The following DPP10 variants were observed in gnomAD, a reference collection of about 807,000 sequenced individuals.
The protein encoded by DPP10 is dipeptidyl peptidase like 10.
A neutral mutation model predicts 120.9 loss-of-function variants in DPP10; 33 were observed. The observed-to-expected ratio is 0.27, with a 90% CI of 0.21 to 0.37. The LOEUF is 0.37. DPP10 is among the 10% of genes least tolerant of loss of function. The pLI is 1.00. For missense variants in DPP10, 816 were observed against 942.8 expected (o/e 0.87, Z 1.76); for synonymous variants, 337 against 326.1 (o/e 1.03, Z -0.36).
chr2:115,755,460 A>G (rs1200168253), intron 11 of DPP10, among the ~76,000 whole-genome samples: 5 of 152,118 alleles, frequency 3.3e-5, no homozygotes, highest in South Asian at 2.1e-4. Flanking sequence ...CTGGATGTCA[A>G]TGTGCAGAAA....
intron 1 of DPP10, among the ~76,000 whole-genome samples, chr2:114,894,089 G>T (rs1038762181): frequency 2.0e-5 from 3 of 152,076 alleles, no homozygotes; most frequent in African/African-American, 7.2e-5. Flanking sequence ...GTGTCCAACT[G>T]GTGCATTTTA....
chr2:114,911,001 T>C (rs17043744), intron 1 of DPP10, among the ~76,000 whole-genome samples: 6,655 of 152,230 alleles, frequency 0.044, 230 homozygotes, highest in African/African-American at 0.089. Context: ...TTTTTATTTT[T>C]ATATGTACAC....
chr2:115,399,120 A>G (rs902283216), intron 3 of DPP10, among the ~76,000 whole-genome samples: 4 of 152,154 alleles, frequency 2.6e-5, no homozygotes, highest in African/African-American at 9.6e-5. Context: ...CTCTTGTTTC[A>G]TTGCTACTAC....
At chr2:115,840,318 G>GTTTTTTTTTTTTTTTT (rs1559227733) in intron 24 of DPP10, among the ~76,000 whole-genome samples, 4 of 31,858 alleles carry the variant, frequency 1.3e-4, no homozygotes, top group African/African-American at 2.9e-4. Context: ...AAGGTTTTTT[G>GTTTTTTTTTTTTTTTT]GTTTTTTTTT....
At chr2:114,469,873 C>T (rs1431786536) in intron 1 of DPP10, among the ~76,000 whole-genome samples, 1 of 152,166 alleles carries the variant, frequency 6.6e-6, no homozygotes, top group African/African-American at 2.4e-5. Context: ...AGAGGCCCTT[C>T]CTGCCAAATG....
intron 5 of DPP10, among the ~76,000 whole-genome samples, chr2:115,529,083 T>C (rs187335997): frequency 2.0e-5 from 3 of 152,198 alleles, no homozygotes; most frequent in African/African-American, 7.2e-5. Flanking sequence ...TATAATGGCA[T>C]GTAAAAATAA....
chr2:115,218,670 T>C (rs2056967300), intron 1 of DPP10, among the ~76,000 whole-genome samples: 1 of 152,076 alleles, frequency 6.6e-6, no homozygotes, highest in South Asian at 2.1e-4. Flanking sequence ...TCTCTTTCCA[T>C]ACCAGGAAAA....
chr2:115,329,080 A>G (rs1451797903), intron 2 of DPP10, among the ~76,000 whole-genome samples: 1 of 152,084 alleles, frequency 6.6e-6, no homozygotes, highest in Admixed American at 6.6e-5. Context: ...TTATGTACTC[A>G]GTATGAATAT....
chr2:114,952,823 A>C (rs1194025404), intron 1 of DPP10, among the ~76,000 whole-genome samples: 2 of 152,164 alleles, frequency 1.3e-5, no homozygotes, highest in Non-Finnish European at 2.9e-5. Context: ...ACATGCCTAG[A>C]GTTCTTTAAA....
intron 1 of DPP10, among the ~76,000 whole-genome samples, chr2:115,121,576 C>T (rs184305097): frequency 1.1e-4 from 16 of 152,276 alleles, no homozygotes; most frequent in Non-Finnish European, 1.5e-4. Context: ...AGTGGCTGAG[C>T]TTGTGGCAGA....
At chr2:115,599,394 A>T (rs1464505332) in intron 5 of DPP10, among the ~76,000 whole-genome samples, 1 of 152,108 alleles carries the variant, frequency 6.6e-6, no homozygotes, top group Non-Finnish European at 1.5e-5. Context: ...CTTTTGGTTT[A>T]GTGAAATTTA....
At chr2:115,380,228 G>C (rs1486838411) in intron 3 of DPP10, among the ~76,000 whole-genome samples, 2 of 152,122 alleles carry the variant, frequency 1.3e-5, no homozygotes, top group Admixed American at 6.5e-5. Flanking sequence ...TTATGAACAT[G>C]GGTGCTCCTG....
At chr2:115,790,103 C>T (rs1373728450) in intron 17 of DPP10, among the ~76,000 whole-genome samples, 3 of 143,732 alleles carry the variant, frequency 2.1e-5, no homozygotes, top group Non-Finnish European at 4.5e-5. Context: ...GACGGAGTCT[C>T]GCTCTGTCGC....
chr2:115,374,263 A>G (rs1185304500), intron 3 of DPP10, among the ~76,000 whole-genome samples: 1 of 152,184 alleles, frequency 6.6e-6, no homozygotes, highest in Non-Finnish European at 1.5e-5. Flanking sequence ...ATGGAGGTAC[A>G]GGCATTGTGC....
chr2:115,527,560 A>C (rs2078207325), intron 5 of DPP10, among the ~76,000 whole-genome samples: 1 of 152,254 alleles, frequency 6.6e-6, no homozygotes, highest in East Asian at 1.9e-4. Flanking sequence ...CAGGCTAAAA[A>C]TACAAGTTAC....
chr2:114,910,544 A>G (rs185419920), intron 1 of DPP10, among the ~76,000 whole-genome samples: 40 of 152,106 alleles, frequency 2.6e-4, no homozygotes, highest in African/African-American at 9.2e-4. Flanking sequence ...TTCTAATCTA[A>G]TAATATTTTT....
At chr2:114,622,664 T>C (rs962076184) in intron 1 of DPP10, among the ~76,000 whole-genome samples, 1 of 152,100 alleles carries the variant, frequency 6.6e-6, no homozygotes, top group Non-Finnish European at 1.5e-5. Context: ...TCAGCTGGTA[T>C]AATTGGTCAT....
chr2:115,050,556 C>CAA (rs368189353), intron 1 of DPP10, among the ~76,000 whole-genome samples: 10 of 148,358 alleles, frequency 6.7e-5, no homozygotes, highest in African/African-American at 2.5e-4. Flanking sequence ...AAAGTTGGGG[C>CAA]AAAAAAAAAT....
intron 5 of DPP10, among the ~76,000 whole-genome samples, chr2:115,660,276 C>A (rs567094769): frequency 6.6e-6 from 1 of 152,138 alleles, no homozygotes; most frequent in Non-Finnish European, 1.5e-5. Flanking sequence ...TTCACCTGCT[C>A]AATGTTTAAC....
Sources: allele counts gnomAD v4.1 joint callset (sites outside exome capture counted in the v4.1 genomes callset), GRCh38; gene constraint gnomAD v4.1.1; transcripts MANE v1.5; gene names NCBI Gene and HGNC (gene_info 2026-07-23, HGNC 2026-07-21).